THBS4: variants seen among roughly 807,000 people sequenced by gnomAD.
THBS4 encodes the protein thrombospondin-4.
Under a neutral mutation model 115.7 loss-of-function variants are expected in THBS4, and 90 were observed. The observed-to-expected ratio is 0.78, with a 90% CI of 0.66 to 0.93. The LOEUF is 0.93. THBS4 is among the 40% of genes least tolerant of loss of function. The pLI, the probability that THBS4 is intolerant of heterozygous loss-of-function variation, is 0.00. For missense variants in THBS4, 1,087 were observed against 1,232.7 expected, an observed-to-expected ratio of 0.88 and a Z score of 1.77; for synonymous variants, 460 against 479.3, an observed-to-expected ratio of 0.96 and a Z score of 0.53.
At chr5:80,000,632 CA>C (rs1831880088) in intron 2 of THBS4, among the ~76,000 whole-genome samples, 1 of 152,074 alleles carries the variant, frequency 6.6e-6, no homozygotes, top group Non-Finnish European at 1.5e-5. Context: ...CCTTTTTCTC[CA>C]TTTGTTGGTA....
chr5:80,073,023 A>G (rs1742975554), intron 14 of THBS4, among the ~76,000 whole-genome samples: 2 of 152,168 alleles, frequency 1.3e-5, no homozygotes, highest in African/African-American at 4.8e-5. Flanking sequence ...ATGCTACCCC[A>G]GCGCCCCTTT....
chr5:80,055,469 C>T (rs1263232649), intron 2 of THBS4, among the ~76,000 whole-genome samples: 5 of 152,154 alleles, frequency 3.3e-5, no homozygotes, highest in Non-Finnish European at 2.9e-5. Context: ...AGATTGGGTT[C>T]TGCTTGCTCA....
chr5:80,061,576 T>C, intron 7 of THBS4, 119 bp from the exon 8 acceptor site: 1 of 1,339,870 alleles, frequency 7.5e-7, no homozygotes, highest in Non-Finnish European at 1.0e-6. Flanking sequence ...TATTTCCTTT[T>C]ATTATTTTTT....
intron 13 of THBS4, among the ~76,000 whole-genome samples, 165 bp downstream of exon 13, chr5:80,071,345 G>A (rs1316843735): frequency 6.6e-6 from 1 of 152,146 alleles, no homozygotes; most frequent in Non-Finnish European, 1.5e-5. Flanking sequence ...TCTATGGAAG[G>A]AGACCCCACA....
In THBS4 at chr5:80,070,920, A is replaced by T; in HGVS notation, c.1561-101A>T. 11 of 1,587,722 alleles carry T rather than the reference A, an allele frequency of 6.9e-6. No individual in the cohort carries two copies. In the South Asian group the frequency reaches 1.0e-4, roughly 15 times the overall value. On this transcript the variant is annotated intron_variant, in intron 12 of 21. Coordinates refer to ENST00000350881, the MANE Select transcript of THBS4 (RefSeq NM_003248.6). ...AAGATTCACAGATGTTTGAAATATA[A>T]AACTGACAAACTTGGGCCACCAGAG...
intron 7 of THBS4, among the ~76,000 whole-genome samples, chr5:80,060,616 G>A (rs1354341821): frequency 6.6e-6 from 1 of 152,108 alleles, no homozygotes; most frequent in Non-Finnish European, 1.5e-5. Context: ...GATAATTACT[G>A]GGGCATGGTG....
At chr5:80,081,123 T>G (rs1254160519) in intron 20 of THBS4, among the ~76,000 whole-genome samples, 1 of 152,222 alleles carries the variant, frequency 6.6e-6, no homozygotes, top group Non-Finnish European at 1.5e-5. Context: ...TCCTAGCCTA[T>G]GTAGGATATT....
At chr5:80,062,703 G>A (rs926940049) in intron 8 of THBS4, among the ~76,000 whole-genome samples, 1 of 151,990 alleles carries the variant, frequency 6.6e-6, no homozygotes, top group Non-Finnish European at 1.5e-5. Context: ...CCCCATGACA[G>A]GCCCTGGTGT....
At chr5:80,069,834 A>C (rs1833968326) in intron 10 of THBS4, among the ~76,000 whole-genome samples, 1 of 152,214 alleles carries the variant, frequency 6.6e-6, no homozygotes. Flanking sequence ...GAGAATAAGC[A>C]GGCTGTGGCT....
intron 2 of THBS4, among the ~76,000 whole-genome samples, chr5:80,041,060 C>G (rs1054276054): frequency 3.9e-5 from 6 of 152,236 alleles, no homozygotes; most frequent in Admixed American, 3.3e-4. Context: ...ATGCCTCCCA[C>G]AAGGCCCTAC....
intron 15 of THBS4, chr5:80,076,129 A>G (rs1743204501): frequency 6.6e-6 from 1 of 152,380 alleles, no homozygotes; most frequent in South Asian, 2.1e-4. Context: ...TGGACAGAGA[A>G]GGAGAGTTCT....
chr5:80,076,715 G>T, intron 15 of THBS4, 140 bp from the exon 16 acceptor site: 1 of 789,374 alleles, frequency 1.3e-6, no homozygotes, highest in Non-Finnish European at 1.9e-6. Flanking sequence ...CTTATCTAAG[G>T]GAATGACCCC....
Position 80,026,000 on chromosome 5 carries a change from G to A in THBS4, n.178-14077G>A, listed in dbSNP as rs77797330. On this transcript the variant is annotated intron_variant and non_coding_transcript_variant, in intron 2 of 3. Coordinates refer to the THBS4 transcript ENST00000510218. The stretch of plus-strand genomic sequence containing the variant: ...TCCTATTGTGAGGATTATATAGGTC[G>A]GAAAGTCATTTTTAACTGACATGCA... Among the ~76,000 whole-genome samples the A allele has an allele frequency of 6.4e-3, 978 of 152,214 alleles. 15 individuals are homozygous for A. Among genetic ancestry groups the A allele is most frequent in the African/African-American group, 0.022 (917 of 41,526 alleles).
At chr5:79,995,749 T>C (rs980902523) in intron 1 of THBS4, among the ~76,000 whole-genome samples, 6 of 151,880 alleles carry the variant, frequency 4.0e-5, no homozygotes, top group African/African-American at 1.2e-4. Flanking sequence ...TATGGGATGC[T>C]GAGTAGATAA....
chr5:80,073,292 TCTGGTTGGGGACTC>T lies in THBS4; in HGVS notation c.1861_1874del (p.Val621Ter). On this transcript the variant is annotated frameshift_variant, in exon 15 of 22. Coordinates refer to ENST00000350881, the MANE Select transcript of THBS4 (RefSeq NM_003248.6). LOFTEE classifies it high-confidence loss of function. Reference sequence around the variant, plus strand: ...CTTTGCAGTCTGATGTGGATAATGATCTGGTTGGGGACTCCTGTGACACCAATCAGGACAGGTAT... The same window carrying T: ...CTTTGCAGTCTGATGTGGATAATGATCTGTGACACCAATCAGGACAGGTAT... 1 of 1,613,990 alleles carries T rather than the reference TCTGGTTGGGGACTC, an allele frequency of 6.2e-7. No individual in the cohort carries two copies. The highest frequency in any genetic ancestry group is 8.5e-7 in the Non-Finnish European group (1 of 1,179,970).
chr5:80,048,538 T>C (rs899578327), intron 2 of THBS4, among the ~76,000 whole-genome samples: 2 of 152,148 alleles, frequency 1.3e-5, no homozygotes, highest in Admixed American at 6.5e-5. Context: ...GTCTACTAGA[T>C]AGTTGCATAC....
At chr5:80,007,372 T>G (rs527540173) in intron 2 of THBS4, among the ~76,000 whole-genome samples, 5 of 152,220 alleles carry the variant, frequency 3.3e-5, no homozygotes, top group Non-Finnish European at 7.3e-5. Flanking sequence ...CTATCTGTGG[T>G]CTGCGGGCCT....
rs938828993 is a variant in THBS4 at position 80,061,792 on chromosome 5, T to G, written c.1085T>G (p.Val362Gly). 1 of 1,613,940 alleles carries G rather than the reference T, an allele frequency of 6.2e-7. No homozygotes were observed. Among genetic ancestry groups the G allele is most frequent in the South Asian group, 1.1e-5 (1 of 91,076 alleles). ...ACPVGFTGPMVQGVGISFAKS... is the reference protein window; with the variant it reads ...ACPVGFTGPMGQGVGISFAKS... ...CCAGTGGGCTTCACAGGGCCCATGG[T>G]GCAGGGTGTTGGGATCAGTTTTGCC... The change falls in exon 8 of 22, where the codon GTG (valine) becomes GGG (glycine). Residue 362 changes from valine to glycine, a missense_variant. Val to Gly is a moderately radical substitution (Grantham distance 109, BLOSUM62 -3). Around this residue, in one of 3 missense-constraint regions of THBS4, gnomAD observed 979 missense variants for 1,103.7 expected, o/e 0.89. Coordinates refer to ENST00000350881, the MANE Select transcript of THBS4 (RefSeq NM_003248.6).
At chr5:80,027,277 A>G (rs914458276) in intron 2 of THBS4, among the ~76,000 whole-genome samples, 1 of 152,164 alleles carries the variant, frequency 6.6e-6, no homozygotes, top group African/African-American at 2.4e-5. Context: ...CACTGGAAAA[A>G]AGAAAGCTAC....
Sources: gnomAD v4.1 joint callset for allele counts (sites outside exome capture counted in the v4.1 genomes callset) on GRCh38, gnomAD v4.1.1 for gene constraint, gnomAD v4.1.1 regional missense constraint, MANE v1.5 for transcripts, NCBI Gene and HGNC (gene_info 2026-07-23, HGNC 2026-07-21) for gene names.